The following TNKS variants were observed in gnomAD, a reference collection of about 807,000 sequenced individuals.
TNKS encodes poly [ADP-ribose] polymerase tankyrase-1.
In TNKS, 72 loss-of-function variants were observed where a neutral mutation model predicts 135.8. The observed-to-expected ratio is 0.53, with a 90% confidence interval of 0.44 to 0.64. The LOEUF is 0.64. Ranked by LOEUF, TNKS falls within the 30% of genes least tolerant of loss-of-function variation. The probability of loss-of-function intolerance (pLI) is 0.00; values close to 1 mark genes in which losing one functional copy is unlikely to be tolerated. For synonymous variants in TNKS, 849 were observed against 649.3 expected (o/e 1.31, Z -4.68); for missense variants, 1,769 against 1,674.0 (o/e 1.06, Z -0.99).
chr8:9,604,036 C>T (rs779156295), intron 2 of TNKS, among the ~76,000 whole-genome samples: 22 of 151,998 alleles, frequency 1.4e-4, no homozygotes, highest in Admixed American at 2.6e-4. Context: ...TTTAAAAATG[C>T]GAAATTTTGC....
intron 26 of TNKS, among the ~76,000 whole-genome samples, chr8:9,774,112 GA>G (rs1808096060): frequency 6.6e-6 from 1 of 152,168 alleles, no homozygotes; most frequent in East Asian, 1.9e-4. Context: ...AAATGGCTCT[GA>G]TTATTACATA....
intron 3 of TNKS, among the ~76,000 whole-genome samples, chr8:9,672,878 T>G (rs1018779332): frequency 2.0e-5 from 3 of 152,082 alleles, no homozygotes; most frequent in Non-Finnish European, 4.4e-5. Flanking sequence ...CCGTCTTCCT[T>G]TCCTCCTTTT....
Position 9,709,937 on chromosome 8 carries a change from G to A in TNKS, c.1579-18G>A. The A allele has an allele frequency of 6.2e-7, 1 of 1,605,220 alleles. No homozygotes were observed. The highest frequency in any genetic ancestry group is 1.1e-5 in the South Asian group (1 of 90,582). On this transcript the variant is annotated intron_variant, in intron 9 of 26. Coordinates refer to ENST00000310430, the MANE Select transcript of TNKS (RefSeq NM_003747.3). The stretch of plus-strand genomic sequence containing the variant: ...TATGGAAGTGTATTTTATTAACTTG[G>A]TTTTGTTTACTTTATAGCACTGTGC...
In TNKS at chr8:9,641,865, T is replaced by C. The variant is rs1800744223; in HGVS notation, c.994+26188T>C. Among the ~76,000 whole-genome samples, 2 of 146,350 alleles carry C rather than the reference T, an allele frequency of 1.4e-5. 1 individual carries two copies. The highest frequency in any genetic ancestry group is 1.4e-4 in the Admixed American group (2 of 13,916). On this transcript the variant is annotated intron_variant, in intron 3 of 26. Transcript: ENST00000310430. ...TCGTTTTCTGTAAGATATGAAACTG[T>C]AGATCTCACACAAAGCAAAGAATGA...
intron 3 of TNKS, among the ~76,000 whole-genome samples, chr8:9,657,626 A>C: frequency 1.2e-5 from 1 of 83,226 alleles, no homozygotes. Flanking sequence ...TCCCTCCTGG[A>C]CGGGGCGGCT....
At chr8:9,634,458 C>G (rs1213539712) in intron 3 of TNKS, among the ~76,000 whole-genome samples, 1 of 152,072 alleles carries the variant, frequency 6.6e-6, no homozygotes, top group East Asian at 1.9e-4. Flanking sequence ...AATTTCAAAC[C>G]AACTTTGACT....
intron 3 of TNKS, among the ~76,000 whole-genome samples, chr8:9,675,385 C>T (rs1304163529): frequency 6.6e-6 from 1 of 152,172 alleles, no homozygotes; most frequent in Non-Finnish European, 1.5e-5. Context: ...TAAGAGTCCC[C>T]ACATTAACCT....
intron 3 of TNKS, among the ~76,000 whole-genome samples, chr8:9,644,107 G>C (rs1052073449): frequency 6.6e-6 from 1 of 152,122 alleles, no homozygotes; most frequent in African/African-American, 2.4e-5. Context: ...GGTTGCCAGG[G>C]CCTGAAGAGA....
At chr8:9,584,812 A>G (rs1489091494) in intron 2 of TNKS, among the ~76,000 whole-genome samples, 1 of 152,180 alleles carries the variant, frequency 6.6e-6, no homozygotes, top group African/African-American at 2.4e-5. Context: ...TTCCCTTTGG[A>G]GGCCTCTTCC....
chr8:9,558,893 A>T (rs1797200476), intron 1 of TNKS: 1 of 152,136 alleles, frequency 6.6e-6, no homozygotes, highest in Non-Finnish European at 1.5e-5. Flanking sequence ...GTTTTATTAA[A>T]CTTTAGTCTT....
intron 1 of TNKS, chr8:9,558,144 T>TC (rs1168258182): frequency 1.3e-5 from 2 of 152,196 alleles, no homozygotes; most frequent in Admixed American, 1.3e-4. Context: ...AACAATACTT[T>TC]CCCTTAATAC....
chr8:9,616,794 C>G (rs1363056047), intron 3 of TNKS, among the ~76,000 whole-genome samples: 1 of 151,950 alleles, frequency 6.6e-6, no homozygotes, highest in African/African-American at 2.4e-5. Context: ...GAGTAATAAA[C>G]CTACTTAAAT....
chr8:9,569,986 T>C lies in TNKS; in HGVS notation c.674-10173T>C, dbSNP rs180741445. Among the ~76,000 whole-genome samples, 209 of 152,346 alleles carry C rather than the reference T, an allele frequency of 1.4e-3. 3 individuals are homozygous for C. The highest frequency in any genetic ancestry group is 4.7e-3 in the African/African-American group (195 of 41,584). On this transcript the variant is annotated intron_variant, in intron 1 of 26. Coordinates refer to ENST00000310430, the MANE Select transcript of TNKS (RefSeq NM_003747.3). ...TGTTTTCTTCTATTGCTTCTCCTAT[T>C]CTGAGATCATGCAACTGTCCACTTA... is the stretch of plus-strand genomic sequence containing the variant.
chr8:9,628,580 C>T (rs1284251054), intron 3 of TNKS, among the ~76,000 whole-genome samples: 1 of 152,014 alleles, frequency 6.6e-6, no homozygotes. Context: ...TTCTGCTCCA[C>T]ATCCAGCTAT....
intron 26 of TNKS, among the ~76,000 whole-genome samples, chr8:9,776,442 TAAC>T (rs1310663094): frequency 1.3e-5 from 2 of 152,186 alleles, no homozygotes; most frequent in Non-Finnish European, 2.9e-5. Context: ...GAAGTAGAAA[TAAC>T]ATTCAGTTTT....
intron 1 of TNKS, among the ~76,000 whole-genome samples, chr8:9,572,823 C>A (rs902429303): frequency 6.6e-6 from 1 of 152,104 alleles, no homozygotes; most frequent in African/African-American, 2.4e-5. Context: ...GTGTCTGGAA[C>A]CGCTAGTGTT....
intron 19 of TNKS, 122 bp downstream of exon 19, chr8:9,751,968 C>T (rs1806567440): frequency 1.2e-6 from 1 of 814,294 alleles, no homozygotes; most frequent in East Asian, 2.5e-5. Flanking sequence ...AATTTTCATA[C>T]ACACAACATC....
intron 2 of TNKS, among the ~76,000 whole-genome samples, chr8:9,596,581 A>G (rs533170533): frequency 1.3e-5 from 2 of 152,294 alleles, no homozygotes; most frequent in South Asian, 4.2e-4. Context: ...ACTGTGAGTT[A>G]TTTCATATTC....
At chr8:9,735,320 A>G (rs1805640924) in intron 16 of TNKS, 57 bp from the exon 17 acceptor site, 3 of 1,455,326 alleles carry the variant, frequency 2.1e-6, no homozygotes, top group Non-Finnish European at 2.9e-6. Context: ...TTACATATGT[A>G]TGTATTTTTT....
Sources: gnomAD v4.1 joint callset for allele counts (sites outside exome capture counted in the v4.1 genomes callset) on GRCh38, gnomAD v4.1.1 for gene constraint, MANE v1.5 for transcripts, NCBI Gene and HGNC (gene_info 2026-07-23, HGNC 2026-07-21) for gene names.